The following FAH variants were observed in gnomAD, a reference collection of about 807,000 sequenced individuals.
The protein encoded by FAH is fumarylacetoacetase.
A neutral mutation model predicts 55.8 loss-of-function variants in FAH; 47 were observed. The ratio of observed to expected loss-of-function variants is 0.84; its 90% CI spans 0.67 to 1.07. FAH has a LOEUF of 1.07. Among genes scored for constraint, FAH ranks in the 50% least tolerant of loss-of-function variants. The probability of loss-of-function intolerance (pLI) is 0.00; values close to 1 mark genes in which losing one functional copy is unlikely to be tolerated. For synonymous variants in FAH, 199 were observed against 207.7 expected, an observed-to-expected ratio of 0.96 and a Z score of 0.36; for missense variants, 495 against 545.9, an observed-to-expected ratio of 0.91 and a Z score of 0.93.
chr15:80,162,905 G>A (rs568037382), intron 5 of FAH: 4 of 190,958 alleles, frequency 2.1e-5, no homozygotes, highest in South Asian at 2.0e-4. Flanking sequence ...TCAGGCCATT[G>A]ACCAAGCTGA....
rs1441699081 is a variant in FAH, at chr15:80,175,047, A to C, written c.869A>C (p.Asp290Ala). 1.9e-6 allele frequency: 3 copies of C among 1,607,976 alleles called. No individual in the cohort carries two copies. Among genetic ancestry groups the C allele is most frequent in the Non-Finnish European group, 2.5e-6 (3 of 1,177,462 alleles). ...DPRPLPYLCHDEPYTFDINLS... is the reference protein window; with the variant it reads ...DPRPLPYLCHAEPYTFDINLS... ...AGGCCCCTGCCGTATCTGTGCCATG[A>C]CGAGCCCTACACATTTGACATCAAC... is the stretch of plus-strand genomic sequence containing the variant. Residue 290 changes from aspartate to alanine, a missense_variant, in exon 10 of 14, where the codon GAC (aspartate) becomes GCC (alanine). Physicochemically the swap from Asp to Ala is moderately radical, Grantham distance 126 (BLOSUM62 -2). Coordinates refer to ENST00000561421, the MANE Select transcript of FAH (RefSeq NM_000137.4).
At chr15:80,185,700 A>G (rs933574211) in intron 13 of FAH, among the ~76,000 whole-genome samples, 6 of 152,214 alleles carry the variant, frequency 3.9e-5, no homozygotes, top group African/African-American at 1.4e-4. Flanking sequence ...CCGCTTATAA[A>G]AACATCAGAT....
At chr15:80,165,052 A>G (rs749680997) in intron 5 of FAH, among the ~76,000 whole-genome samples, 7 of 152,368 alleles carry the variant, frequency 4.6e-5, no homozygotes, top group Non-Finnish European at 1.0e-4. Context: ...AGGTAATACA[A>G]GACAATTACA....
At chr15:80,157,895 G>A (rs555558208) in intron 1 of FAH, 165 bp from the exon 2 acceptor site, 2 of 665,498 alleles carry the variant, frequency 3.0e-6, no homozygotes, top group East Asian at 2.7e-5. Context: ...GATGGCACAA[G>A]GGAGCTGGGG....
chr15:80,161,724 A>G (rs1410019807), intron 4 of FAH, among the ~76,000 whole-genome samples: 1 of 152,196 alleles, frequency 6.6e-6, no homozygotes, highest in Non-Finnish European at 1.5e-5. Flanking sequence ...GTGCACACAC[A>G]TAACTGGAGC....
intron 11 of FAH, among the ~76,000 whole-genome samples, 183 bp downstream of exon 11, chr15:80,177,766 T>C (rs2041296689): frequency 1.3e-5 from 2 of 152,122 alleles, no homozygotes; most frequent in African/African-American, 4.8e-5. Flanking sequence ...TCTCTCGAGA[T>C]AGAGGCTGCA....
intron 13 of FAH, 27 bp downstream of exon 13, chr15:80,181,186 G>A (rs562521898): frequency 8.6e-6 from 13 of 1,505,816 alleles, no homozygotes; most frequent in Middle Eastern, 3.4e-4. Flanking sequence ...CCAGCAGCTC[G>A]TCTTCCTCCT....
In FAH at chr15:80,180,940, C is replaced by G. The variant is rs2041325797; in HGVS notation, c.1063-102C>G. 7.7e-6 allele frequency: 7 copies of G among 909,160 alleles called. No homozygotes were observed. In the South Asian group the frequency reaches 7.9e-5, roughly 10 times the overall value. 56.3% of individuals were successfully genotyped at this position (909,160 alleles called of 1,614,324 possible). A position where few individuals can be genotyped will look rare whatever the true frequency, so the allele number is the denominator to read the frequency against. ...CAGGGTCTCTGAGGGGCATGAGGGC[C>G]CCCTGCCACTTCTCGGGACTCCCAG... On this transcript the variant is annotated intron_variant, in intron 12 of 13. Coordinates refer to ENST00000561421, the MANE Select transcript of FAH (RefSeq NM_000137.4).
chr15:80,157,951 C>T, intron 1 of FAH, 109 bp from the exon 2 acceptor site: 1 of 801,854 alleles, frequency 1.2e-6, no homozygotes, highest in Non-Finnish European at 2.2e-6. Context: ...GCATACAGGG[C>T]CACCTAAAGG....
rs374371839 is a variant in FAH at position 80,159,834 on chromosome 15, G to A, written c.271G>A (p.Val91Met). Residue 91 changes from valine (V) to methionine (M), a missense_variant, in exon 3 of 14, where the codon GTG becomes ATG. Val to Met is a conservative substitution (Grantham distance 21, BLOSUM62 1). Transcript: ENST00000561421. ...ARVFLQNLLSVSQARLRDDTE... is the reference protein window; with the variant it reads ...ARVFLQNLLSMSQARLRDDTE... ...AGTGTTCTTGCAGAACTTGCTGTCT[G>A]TGAGCCAAGCCAGGCTCAGAGATGA... 9 of 1,614,136 alleles carry A rather than the reference G, an allele frequency of 5.6e-6. No individual in the cohort carries two copies. Among genetic ancestry groups the A allele is most frequent in the African/African-American group, 2.7e-5 (2 of 74,948 alleles).
At chr15:80,180,813 A>G (rs1200417133) in intron 12 of FAH, among the ~76,000 whole-genome samples, 1 of 152,150 alleles carries the variant, frequency 6.6e-6, no homozygotes, top group Non-Finnish European at 1.5e-5. Context: ...TGATTCCTAA[A>G]CAAGCGATGT....
chr15:80,176,002 TTTTTC>T (rs1161768187), intron 10 of FAH, among the ~76,000 whole-genome samples: 2 of 152,148 alleles, frequency 1.3e-5, no homozygotes, highest in Non-Finnish European at 2.9e-5. Context: ...ATTCCATTCC[TTTTTC>T]TTTTCTTTTC....
At chr15:80,176,577 G>C (rs2041285910) in intron 10 of FAH, among the ~76,000 whole-genome samples, 1 of 152,218 alleles carries the variant, frequency 6.6e-6, no homozygotes, top group Non-Finnish European at 1.5e-5. Flanking sequence ...CTGAGGCTCA[G>C]AGAGGAAAAG....
chr15:80,180,000 G>T, intron 11 of FAH, 124 bp from the exon 12 acceptor site: 4 of 733,206 alleles, frequency 5.5e-6, no homozygotes, highest in Non-Finnish European at 9.6e-6. Flanking sequence ...CTGGCTGGGG[G>T]AGCTGGGGAC....
chr15:80,175,114 T>C, intron 10 of FAH, 23 bp downstream of exon 10: 2 of 1,607,380 alleles, frequency 1.2e-6, no homozygotes, highest in Non-Finnish European at 1.7e-6. Context: ...GGGACTGACA[T>C]GGCCAGGAGC....
intron 12 of FAH, 54 bp downstream of exon 12, chr15:80,180,279 C>G (rs1360918809): frequency 2.1e-6 from 3 of 1,446,356 alleles, no homozygotes; most frequent in African/African-American, 1.4e-5. Context: ...CTGCTCCCCA[C>G]ACAGCCCCAA....
intron 5 of FAH, among the ~76,000 whole-genome samples, chr15:80,165,373 CAA>C (rs1468753158): frequency 6.6e-6 from 1 of 152,084 alleles, no homozygotes; most frequent in African/African-American, 2.4e-5. Flanking sequence ...TACAAAAGTA[CAA>C]AAATTTGCTG....
In FAH at chr15:80,186,255, C is replaced by G. The variant is rs1231417864; in HGVS notation, c.*46C>G. ...AAACAAAGGGCTCAAGCACCCCTTT[C>G]AACCCTGTGACTGGGGTCCTCCCTC... On this transcript the variant is annotated 3_prime_UTR_variant, in exon 14 of 14. Transcript: ENST00000561421. The G allele has an allele frequency of 6.7e-7, 1 of 1,493,938 alleles. No homozygotes were observed. Among genetic ancestry groups the G allele is most frequent in the Non-Finnish European group, 9.3e-7 (1 of 1,077,424 alleles). 92.5% of individuals were successfully genotyped at this position (1,493,938 alleles called of 1,614,324 possible).
chr15:80,179,271 A>G (rs946760870), intron 11 of FAH, among the ~76,000 whole-genome samples: 1 of 152,208 alleles, frequency 6.6e-6, no homozygotes, highest in African/African-American at 2.4e-5. Flanking sequence ...CATGTTAGTC[A>G]TATGTTTATG....
Sources: allele counts gnomAD v4.1 joint callset (sites outside exome capture counted in the v4.1 genomes callset), GRCh38; gene constraint gnomAD v4.1.1; transcripts MANE v1.5; gene names NCBI Gene and HGNC (gene_info 2026-07-23, HGNC 2026-07-21).